SLCO4A1: variants seen among roughly 807,000 people sequenced by gnomAD.
SLCO4A1 encodes the protein colon organic anion transporter.
SLCO4A1 carries 51 observed loss-of-function variants against 64.6 expected under a neutral mutation model. The observed-to-expected ratio is 0.79, with a 90% confidence interval of 0.63 to 1.00. The LOEUF is 1.00. SLCO4A1 is among the 50% of genes least tolerant of loss of function. The pLI, the probability that SLCO4A1 is intolerant of heterozygous loss-of-function variation, is 0.00. For synonymous variants in SLCO4A1, 471 were observed against 444.9 expected (o/e 1.06, Z -0.74); for missense variants, 919 against 980.5 (o/e 0.94, Z 0.84).
chr20:62,665,353 T>G (rs1240628233), intron 6 of SLCO4A1: 2 of 430,660 alleles, frequency 4.6e-6, no homozygotes, highest in Non-Finnish European at 8.2e-6. Flanking sequence ...AGCCACCTAG[T>G]CTTGGCTTCT....
intron 2 of SLCO4A1, among the ~76,000 whole-genome samples, chr20:62,678,556 G>A (rs1024086119): frequency 2.8e-5 from 4 of 142,936 alleles, no homozygotes; most frequent in South Asian, 4.4e-4. Flanking sequence ...TTTTGAGACC[G>A]GGTGTTGCTC....
chr20:62,676,078 G>A (rs4809480), downstream of SLCO4A1, among the ~76,000 whole-genome samples: 25,096 of 152,154 alleles, frequency 0.16, 2,647 homozygotes, highest in East Asian at 0.28. Flanking sequence ...AAATTTTCTG[G>A]TTGTTGGACC....
At chr20:62,669,302 A>G (rs926988133) in intron 11 of SLCO4A1, among the ~76,000 whole-genome samples, 1 of 152,224 alleles carries the variant, frequency 6.6e-6, no homozygotes, top group African/African-American at 2.4e-5. Flanking sequence ...GGCCCCCAGC[A>G]GCTCCAGCAA....
chr20:62,678,684 G>A lies in SLCO4A1; in HGVS notation n.212-6757G>A, dbSNP rs181928096. ...TTGGAAACCACCCAAATGTCCTCTAGGAAGTGAAAGGATAAATAGTCGTAC... is the reference window on the plus strand; with the variant it reads ...TTGGAAACCACCCAAATGTCCTCTAAGAAGTGAAAGGATAAATAGTCGTAC... On this transcript the variant is annotated intron_variant and non_coding_transcript_variant, in intron 2 of 2. Transcript: ENST00000466818. Among the ~76,000 whole-genome samples the A allele has an allele frequency of 7.8e-4, 119 of 152,114 alleles. 1 individual carries two copies. Among genetic ancestry groups the A allele is most frequent in the Middle Eastern group, 6.8e-3 (2 of 294 alleles).
chr20:62,652,052 C>T (rs1233211842), intron 1 of SLCO4A1: 12 of 144,660 alleles, frequency 8.3e-5, no homozygotes, highest in Non-Finnish European at 1.7e-4. Context: ...CCGCCCCACA[C>T]CCCCCACCCC....
At chr20:62,665,352 G>C in intron 6 of SLCO4A1, 1 of 434,366 alleles carries the variant, frequency 2.3e-6, no homozygotes, top group Non-Finnish European at 4.1e-6. Flanking sequence ...TAGCCACCTA[G>C]TCTTGGCTTC....
At chr20:62,642,611 T>G in intron 1 of SLCO4A1, 58 bp downstream of exon 1, 1 of 166,968 alleles carries the variant, frequency 6.0e-6, no homozygotes, top group Non-Finnish European at 1.3e-5. Context: ...CCTGCTGGCG[T>G]AGGAGCGCGG....
rs1480873596 is a variant in SLCO4A1 at position 62,660,490 on chromosome 20, C to T, written c.966C>T (p.Phe322=). The T allele has an allele frequency of 1.9e-6, 3 of 1,605,208 alleles. No individual in the cohort carries two copies. The highest frequency in any genetic ancestry group is 2.5e-6 in the Non-Finnish European group (3 of 1,179,938). ...TCCTGGGCTCTGGGGCCGCTGCTTT[C>T]TTCACCGCCGTTCCCATCCTTGGTT... The part of the protein sequence containing the change: ...VGFLGSGAAA[F]FTAVPILGYP... Residue 322 remains phenylalanine, a synonymous_variant, in exon 4 of 12, where the codon TTC becomes TTT. Coordinates refer to ENST00000217159, the MANE Select transcript of SLCO4A1 (RefSeq NM_016354.4).
chr20:62,663,584 G>C (rs1250279478), intron 5 of SLCO4A1: 1 of 152,234 alleles, frequency 6.6e-6, no homozygotes, highest in African/African-American at 2.4e-5. Context: ...ATGACCTGGG[G>C]CTTCAGGAAC....
At position 62,665,061 on chromosome 20, in the gene SLCO4A1, A is replaced by T; in HGVS notation, c.1249A>T (p.Ser417Cys). The T allele has an allele frequency of 6.2e-7, 1 of 1,612,374 alleles. No homozygotes were observed. The highest frequency in any genetic ancestry group is 1.3e-5 in the African/African-American group (1 of 74,938). The change falls in exon 6 of 12, where the codon AGT (serine) becomes TGT (cysteine). Residue 417 changes from serine (S) to cysteine (C), a missense_variant. Coordinates refer to ENST00000217159, the MANE Select transcript of SLCO4A1 (RefSeq NM_016354.4). ...PKFLESQFSL[S>C]ASEAATLFGY... ...GTTCTTGGAGTCCCAGTTCAGCCTG[A>T]GTGCCTCAGAAGCTGCCACCTTGTT...
chr20:62,657,277 T>C, intron 2 of SLCO4A1, 27 bp downstream of exon 2: 2 of 1,492,472 alleles, frequency 1.3e-6, no homozygotes, highest in Non-Finnish European at 1.8e-6. Flanking sequence ...GGGTAAGTGC[T>C]GGCAGGGGTG....
At chr20:62,672,944 C>T (rs1987388008), downstream of SLCO4A1, among the ~76,000 whole-genome samples, 1 of 145,608 alleles carries the variant, frequency 6.9e-6, no homozygotes, top group South Asian at 2.1e-4. Flanking sequence ...TGGACGCCAC[C>T]CTCGCCCTCC....
chr20:62,656,743 C>CAG lies in SLCO4A1; in HGVS notation c.290_291dup (p.Val98ArgfsTer22). The CAG allele has an allele frequency of 1.2e-6, 2 of 1,612,272 alleles. No homozygotes were observed. The highest frequency in any genetic ancestry group is 1.7e-6 in the Non-Finnish European group (2 of 1,179,608). On this transcript the variant is annotated frameshift_variant, in exon 2 of 12. Transcript: ENST00000217159. LOFTEE classifies it high-confidence loss of function. ...GTGGGCCTTCGCACCGCCGTGCCTGCAGGTCCTCAACACGCCCAAGGGCAT... is the reference window on the plus strand; with the variant it reads ...GTGGGCCTTCGCACCGCCGTGCCTGCAGAGGTCCTCAACACGCCCAAGGGCAT...
At chr20:62,687,946 G>A (rs879825195), downstream of SLCO4A1, among the ~76,000 whole-genome samples, 8 of 151,954 alleles carry the variant, frequency 5.3e-5, no homozygotes, top group Non-Finnish European at 8.8e-5. Flanking sequence ...CACTAGTGCC[G>A]CGCTGCAGCC....
rs1457405936 is a variant in SLCO4A1, at chr20:62,645,989, C to T, written c.-97+3436C>T. On this transcript the variant is annotated intron_variant, in intron 1 of 11. Coordinates refer to ENST00000217159, the MANE Select transcript of SLCO4A1 (RefSeq NM_016354.4). This position sits in a 1 kb window ranked among gnomAD's most constrained non-coding sequence, Gnocchi z 4.2. ...CCACTGGACTCTGCCTTTCGGGAGG[C>T]GCTGTGGACCTGAGATTTGGACCCA... is the stretch of plus-strand genomic sequence containing the variant. Among the ~76,000 whole-genome samples, 4 of 152,138 alleles carry T rather than the reference C, an allele frequency of 2.6e-5. No homozygotes were observed. The highest frequency in any genetic ancestry group is 1.9e-4 in the East Asian group (1 of 5,174).
chr20:62,652,745 G>C (rs1982827650), intron 1 of SLCO4A1, among the ~76,000 whole-genome samples: 1 of 152,216 alleles, frequency 6.6e-6, no homozygotes, highest in Admixed American at 6.5e-5. Flanking sequence ...TAAACCCCCG[G>C]GTGTGGCCGC....
chr20:62,690,706 A>G (rs1303134575), downstream of SLCO4A1, among the ~76,000 whole-genome samples: 1 of 152,236 alleles, frequency 6.6e-6, no homozygotes, highest in Non-Finnish European at 1.5e-5. Flanking sequence ...AGAGAACCGC[A>G]ATTCAATAAA....
At chr20:62,682,041 C>T (rs1040655391) in intron 2 of SLCO4A1, among the ~76,000 whole-genome samples, 5 of 152,180 alleles carry the variant, frequency 3.3e-5, no homozygotes, top group Admixed American at 1.3e-4. Flanking sequence ...AGCCGGGCCC[C>T]GTAACTTCAC....
intron 1 of SLCO4A1, among the ~76,000 whole-genome samples, chr20:62,653,986 A>G (rs1371360884): frequency 6.6e-6 from 1 of 152,094 alleles, no homozygotes; most frequent in East Asian, 1.9e-4. Context: ...ACATGTATAC[A>G]TATGTAACAA....
Sources: allele counts gnomAD v4.1 joint callset (sites outside exome capture counted in the v4.1 genomes callset), GRCh38; gene constraint gnomAD v4.1.1; non-coding constraint Gnocchi (gnomAD v3.1); transcripts MANE v1.5; gene names NCBI Gene and HGNC (gene_info 2026-07-23, HGNC 2026-07-21).